DLGAP2: variants seen among roughly 807,000 people sequenced by gnomAD.
The protein encoded by DLGAP2 is DLG associated protein 2.
In DLGAP2, 26 loss-of-function variants were observed where a neutral mutation model predicts 100.3. The observed-to-expected ratio is 0.26, with a 90% CI of 0.19 to 0.36. DLGAP2 has a LOEUF of 0.36. Ranked by LOEUF, DLGAP2 falls within the 10% of genes least tolerant of loss-of-function variation. The probability of loss-of-function intolerance (pLI) is 1.00; values close to 1 mark genes in which losing one functional copy is unlikely to be tolerated. For synonymous variants in DLGAP2, 886 were observed against 630.1 expected (o/e 1.41, Z -6.08); for missense variants, 1,858 against 1,453.2 (o/e 1.28, Z -4.53).
chr8:1,149,135 GT>G (rs1289699023), intron 2 of DLGAP2, among the ~76,000 whole-genome samples: 2 of 140,710 alleles, frequency 1.4e-5, no homozygotes, highest in Non-Finnish European at 3.2e-5. Context: ...TTTTATCATT[GT>G]GGAATTACCC....
chr8:917,695 C>T (rs1422900629), intron 2 of DLGAP2, among the ~76,000 whole-genome samples: 2 of 152,180 alleles, frequency 1.3e-5, no homozygotes, highest in African/African-American at 4.8e-5. Context: ...ATTCTCCTGC[C>T]TCAGCCTCCT....
At chr8:787,969 C>G (rs148011946) in intron 1 of DLGAP2, among the ~76,000 whole-genome samples, 2 of 121,522 alleles carry the variant, frequency 1.6e-5, no homozygotes, top group Non-Finnish European at 3.5e-5. Context: ...TGTCCACCTC[C>G]AAGCCAGGAT....
intron 2 of DLGAP2, among the ~76,000 whole-genome samples, chr8:931,115 A>C (rs1300968336): frequency 1.3e-5 from 2 of 152,004 alleles, no homozygotes; most frequent in African/African-American, 2.4e-5. Context: ...ATGTGTAGGT[A>C]GGAGGTATGT....
chr8:769,406 G>C (rs1821299886), intron 1 of DLGAP2, among the ~76,000 whole-genome samples: 1 of 151,942 alleles, frequency 6.6e-6, no homozygotes, highest in African/African-American at 2.4e-5. Flanking sequence ...CAAAACGGCG[G>C]CAGACAGGAA....
chr8:893,695 A>G (rs1798082506), intron 1 of DLGAP2, among the ~76,000 whole-genome samples: 1 of 152,204 alleles, frequency 6.6e-6, no homozygotes, highest in African/African-American at 2.4e-5. Context: ...TCCTGCCTGC[A>G]GGTCTATCCA....
intron 4 of DLGAP2, among the ~76,000 whole-genome samples, chr8:1,524,009 G>T (rs537694807): frequency 6.6e-6 from 1 of 152,186 alleles, no homozygotes; most frequent in Non-Finnish European, 1.5e-5. Flanking sequence ...TTCGGCATCA[G>T]ATCAGCTGTG....
chr8:1,543,668 C>T (rs1271694560), intron 4 of DLGAP2, among the ~76,000 whole-genome samples: 1 of 152,152 alleles, frequency 6.6e-6, no homozygotes, highest in Non-Finnish European at 1.5e-5. Flanking sequence ...GGACCCATTG[C>T]ATTTCTATAT....
At chr8:1,202,715 G>A (rs1174766041) in intron 2 of DLGAP2, among the ~76,000 whole-genome samples, 12 of 152,094 alleles carry the variant, frequency 7.9e-5, no homozygotes, top group African/African-American at 1.7e-4. Context: ...ACTGCCCAAC[G>A]CTTCCTCCTC....
chr8:761,616 G>C (rs1821086545), intron 1 of DLGAP2, among the ~76,000 whole-genome samples: 1 of 152,212 alleles, frequency 6.6e-6, no homozygotes, highest in South Asian at 2.1e-4. Context: ...TGCACCCTTA[G>C]GGAACATCTT....
In DLGAP2 at chr8:746,465, G is replaced by T. The variant is rs908284082; in HGVS notation, c.18+8640G>T. Among the ~76,000 whole-genome samples the T allele has an allele frequency of 2.0e-5, 3 of 152,338 alleles. No homozygotes were observed. The East Asian group carries it at 5.8e-4, about 29-fold the overall frequency. The stretch of plus-strand genomic sequence containing the variant: ...AGCCACAGGCCACGTCGGCAGGGGG[G>T]CTCCAGAGCTGGGGGCGCAGCCTCC... On this transcript the variant is annotated intron_variant, in intron 1 of 14. Coordinates refer to ENST00000637795, the MANE Select transcript of DLGAP2 (RefSeq NM_001346810.2).
At chr8:820,155 G>T (rs1796557510) in intron 1 of DLGAP2, among the ~76,000 whole-genome samples, 1 of 152,160 alleles carries the variant, frequency 6.6e-6, no homozygotes, top group Non-Finnish European at 1.5e-5. Flanking sequence ...TGGGATAACT[G>T]GTTATCCATT....
intron 3 of DLGAP2, among the ~76,000 whole-genome samples, chr8:1,310,582 C>T (rs1157082673): frequency 2.0e-5 from 3 of 152,156 alleles, no homozygotes; most frequent in African/African-American, 4.8e-5. Context: ...CACAGTAGGC[C>T]ACATGTTAGG....
chr8:1,703,819 C>G lies in DLGAP2; in HGVS notation c.*2413C>G, dbSNP rs753427796. 6.6e-6 allele frequency: 1 copy of G among 152,586 alleles called. No homozygotes were observed. Among genetic ancestry groups the G allele is most frequent in the Admixed American group, 6.5e-5 (1 of 15,270 alleles). 9.5% of individuals were successfully genotyped at this position (152,586 alleles called of 1,614,324 possible). The stretch of plus-strand genomic sequence containing the variant: ...TTTTTCAATCCCCAAAAGTCTTGGC[C>G]TAAACCATCCCTAGGGGAGCAGATT... On this transcript the variant is annotated 3_prime_UTR_variant, in exon 15 of 15. Transcript: ENST00000637795.
Position 1,549,697 on chromosome 8 carries a change from C to T in DLGAP2, c.1230+14C>T, listed in dbSNP as rs751096758. The stretch of plus-strand genomic sequence containing the variant: ...CACTACCTCCAGGTAAGCAGGCTCA[C>T]GGCCCTGTGGAGGCCGTCTCGGCAC... On this transcript the variant is annotated intron_variant, in intron 5 of 14. Coordinates refer to ENST00000637795, the MANE Select transcript of DLGAP2 (RefSeq NM_001346810.2). The T allele has an allele frequency of 6.5e-6, 10 of 1,533,310 alleles. No homozygotes were observed. The highest frequency in any genetic ancestry group is 2.5e-5 in the East Asian group (1 of 40,746). 95.0% of individuals were successfully genotyped at this position (1,533,310 alleles called of 1,614,324 possible).
rs147136634 is a variant in DLGAP2 at position 1,628,302 on chromosome 8, A to G, written c.1590+1415A>G. ...TCTCTCTGACTTACTGTGGAGCAGG[A>G]ATTAAGAGCTTGAGCCGAGCTCACA... is the stretch of plus-strand genomic sequence containing the variant. On this transcript the variant is annotated intron_variant, in intron 7 of 14. Transcript: ENST00000637795. 2.5e-3 allele frequency among the ~76,000 whole-genome samples: 341 copies of G among 136,482 alleles called. 1 individual carries two copies. The highest frequency in any genetic ancestry group is 9.6e-3 in the African/African-American group (313 of 32,680). 89.5% of individuals were successfully genotyped at this position (136,482 alleles called of 152,430 possible). A position where few individuals can be genotyped will look rare whatever the true frequency, so the allele number is the denominator to read the frequency against.
intron 1 of DLGAP2, among the ~76,000 whole-genome samples, chr8:819,828 G>A (rs943361824): frequency 2.0e-5 from 3 of 152,190 alleles, no homozygotes; most frequent in Non-Finnish European, 1.5e-5. Flanking sequence ...GGCTGACTCG[G>A]CATGGAAATG....
chr8:1,283,830 C>T (rs777340617), intron 3 of DLGAP2, among the ~76,000 whole-genome samples: 37 of 152,204 alleles, frequency 2.4e-4, no homozygotes, highest in African/African-American at 8.4e-4. Context: ...CACTACCACA[C>T]TTAAAGTATG....
chr8:816,817 C>T (rs571971888), intron 1 of DLGAP2, among the ~76,000 whole-genome samples: 1 of 152,178 alleles, frequency 6.6e-6, no homozygotes, highest in African/African-American at 2.4e-5. Flanking sequence ...ATATGTTTTC[C>T]AAATGGTTAG....
At chr8:1,325,481 A>T (rs946600567) in intron 3 of DLGAP2, among the ~76,000 whole-genome samples, 3 of 152,174 alleles carry the variant, frequency 2.0e-5, no homozygotes, top group Admixed American at 2.0e-4. Context: ...TGGTTTCAAG[A>T]TTTGGGGTGC....
Sources: gnomAD v4.1 joint callset for allele counts (sites outside exome capture counted in the v4.1 genomes callset) on GRCh38, gnomAD v4.1.1 for gene constraint, MANE v1.5 for transcripts, NCBI Gene and HGNC (gene_info 2026-07-23, HGNC 2026-07-21) for gene names.